The following PARD3 variants were observed in gnomAD, a reference collection of about 807,000 sequenced individuals.
PARD3 encodes the protein partitioning defective 3 homolog.
A neutral mutation model predicts 155.4 loss-of-function variants in PARD3; 75 were observed. The observed-to-expected ratio is 0.48, with a 90% CI of 0.40 to 0.58. PARD3 has a LOEUF of 0.58. Among genes scored for constraint, PARD3 ranks in the 20% least tolerant of loss-of-function variants. The probability of loss-of-function intolerance (pLI) is 0.00; values close to 1 mark genes in which losing one functional copy is unlikely to be tolerated. For synonymous variants in PARD3, 576 were observed against 610.5 expected, an observed-to-expected ratio of 0.94 and a Z score of 0.83; for missense variants, 1,642 against 1,721.7, an observed-to-expected ratio of 0.95 and a Z score of 0.82.
At chr10:34,778,654 T>A (rs938543921) in intron 1 of PARD3, among the ~76,000 whole-genome samples, 2 of 152,192 alleles carry the variant, frequency 1.3e-5, no homozygotes, top group Admixed American at 1.3e-4. Flanking sequence ...GATCTACACA[T>A]TTAGAAGGGA....
intron 20 of PARD3, among the ~76,000 whole-genome samples, chr10:34,293,566 T>A (rs1190731881): frequency 3.9e-5 from 6 of 152,226 alleles, no homozygotes; most frequent in Non-Finnish European, 8.8e-5. Flanking sequence ...ATCGGTCATG[T>A]CCACTTAAAA....
rs145864512 is a variant in PARD3 at position 34,455,346 on chromosome 10, A to C, written c.583-4898T>G. The stretch of plus-strand genomic sequence containing the variant: ...GATGTTAAGATTTTACATTTCCCAC[A>C]TTTTTCAGCTCTGCAATTATGGTAA... On this transcript the variant is annotated intron_variant, in intron 4 of 24. Transcript: ENST00000374788. 3.6e-3 allele frequency among the ~76,000 whole-genome samples: 554 copies of C among 152,248 alleles called. 3 individuals carry two copies. Among genetic ancestry groups the C allele is most frequent in the African/African-American group, 0.013 (529 of 41,530 alleles).
chr10:34,782,712 A>C (rs1462930780), intron 1 of PARD3, among the ~76,000 whole-genome samples: 1 of 151,066 alleles, frequency 6.6e-6, no homozygotes, highest in Non-Finnish European at 1.5e-5. Flanking sequence ...ATATACAAAC[A>C]TTAGGAAAGT....
At chr10:34,149,040 A>G (rs1422741100) in intron 22 of PARD3, among the ~76,000 whole-genome samples, 1 of 152,190 alleles carries the variant, frequency 6.6e-6, no homozygotes, top group East Asian at 1.9e-4. Flanking sequence ...TTAAAATGCC[A>G]TTGTATAATA....
chr10:34,289,829 G>A (rs1956588292), intron 20 of PARD3, among the ~76,000 whole-genome samples: 1 of 152,166 alleles, frequency 6.6e-6, no homozygotes, highest in African/African-American at 2.4e-5. Flanking sequence ...GATCACTGCT[G>A]TCTGCCAGAT....
At chr10:34,776,849 G>A (rs1262691119) in intron 1 of PARD3, among the ~76,000 whole-genome samples, 4 of 84,656 alleles carry the variant, frequency 4.7e-5, no homozygotes, top group Non-Finnish European at 9.6e-5. Context: ...GGGGGGGGGC[G>A]GGTGGGGGAT....
intron 1 of PARD3, among the ~76,000 whole-genome samples, chr10:34,729,237 T>C (rs969567847): frequency 4.6e-5 from 7 of 152,172 alleles, no homozygotes; most frequent in African/African-American, 1.7e-4. Flanking sequence ...CTTTTAAAGA[T>C]ATGATGCTAT....
intron 2 of PARD3, among the ~76,000 whole-genome samples, chr10:34,560,166 A>G (rs1016093885): frequency 1.3e-5 from 2 of 152,250 alleles, no homozygotes; most frequent in Admixed American, 6.5e-5. Context: ...ATAGCTAACC[A>G]TAATTCCTAA....
At chr10:34,267,313 A>G (rs941673004) in intron 22 of PARD3, among the ~76,000 whole-genome samples, 2 of 152,180 alleles carry the variant, frequency 1.3e-5, no homozygotes, top group Non-Finnish European at 2.9e-5. Flanking sequence ...TGTCACTGAT[A>G]ATAATTGTAT....
chr10:34,187,792 T>A (rs1950549728), intron 22 of PARD3, among the ~76,000 whole-genome samples: 1 of 152,230 alleles, frequency 6.6e-6, no homozygotes, highest in South Asian at 2.1e-4. Flanking sequence ...ATGTTAATTA[T>A]GCTCTCCAAA....
At chr10:34,465,753 C>G (rs990955786) in intron 4 of PARD3, among the ~76,000 whole-genome samples, 2 of 152,062 alleles carry the variant, frequency 1.3e-5, no homozygotes, top group Non-Finnish European at 2.9e-5. Context: ...AACAATGCCA[C>G]TCATTATTTA....
chr10:34,401,780 T>G, intron 6 of PARD3, 46 bp downstream of exon 6: 1 of 1,156,290 alleles, frequency 8.6e-7, no homozygotes, highest in Admixed American at 1.7e-5. Context: ...CAATTAATGA[T>G]GCTACATGTA....
intron 2 of PARD3, among the ~76,000 whole-genome samples, chr10:34,636,491 A>G (rs1282185170): frequency 1.3e-5 from 2 of 152,230 alleles, no homozygotes; most frequent in Non-Finnish European, 2.9e-5. Flanking sequence ...TTGGAAGCAC[A>G]GGACACATGA....
At chr10:34,558,824 G>A (rs1302242549) in intron 2 of PARD3, among the ~76,000 whole-genome samples, 3 of 152,164 alleles carry the variant, frequency 2.0e-5, no homozygotes, top group African/African-American at 4.8e-5. Context: ...GCATACGCCT[G>A]TAATGCCAGC....
chr10:34,451,773 G>GTTT (rs5784419), intron 4 of PARD3, among the ~76,000 whole-genome samples: 3,622 of 141,290 alleles, frequency 0.026, 157 homozygotes, highest in African/African-American at 0.088. Context: ...TTAGCAGCAA[G>GTTT]TTTTTTTTTT....
intron 3 of PARD3, among the ~76,000 whole-genome samples, chr10:34,498,148 C>T (rs1282445898): frequency 6.6e-6 from 1 of 151,940 alleles, no homozygotes; most frequent in Non-Finnish European, 1.5e-5. Context: ...ATTTCAAATA[C>T]GAGTAGCATA....
At chr10:34,271,904 C>T (rs958697790) in intron 21 of PARD3, among the ~76,000 whole-genome samples, 28 of 152,236 alleles carry the variant, frequency 1.8e-4, no homozygotes, top group African/African-American at 6.0e-4. Flanking sequence ...GCAATGAACA[C>T]GTAGTCACTG....
intron 22 of PARD3, among the ~76,000 whole-genome samples, chr10:34,203,587 T>C (rs1951321653): frequency 6.6e-6 from 1 of 152,238 alleles, no homozygotes. Flanking sequence ...CCTAATACAA[T>C]GCAAATGCTA....
intron 24 of PARD3, among the ~76,000 whole-genome samples, chr10:34,111,910 AT>A (rs1418595071): frequency 6.6e-6 from 1 of 152,214 alleles, no homozygotes; most frequent in Non-Finnish European, 1.5e-5. Flanking sequence ...GTATAGAAGT[AT>A]TAGAGGTTTG....
Sources: gnomAD v4.1 joint callset for allele counts (sites outside exome capture counted in the v4.1 genomes callset) on GRCh38, gnomAD v4.1.1 for gene constraint, MANE v1.5 for transcripts, NCBI Gene and HGNC (gene_info 2026-07-23, HGNC 2026-07-21) for gene names.